The following TBC1D31 variants were observed in gnomAD, a reference collection of about 807,000 sequenced individuals.
TBC1D31 encodes the protein TBC1 domain family member 31.
TBC1D31 carries 99 observed loss-of-function variants against 132.9 expected under a neutral mutation model. That is an observed-to-expected ratio of 0.74 (90% confidence interval 0.63 to 0.88). TBC1D31 has a LOEUF of 0.88. Ranked by LOEUF, TBC1D31 falls within the 40% of genes least tolerant of loss-of-function variation. TBC1D31 has a pLI of 0.00. For missense variants in TBC1D31, 1,134 were observed against 1,256.6 expected (o/e 0.90, Z 1.48); for synonymous variants, 385 against 419.4 (o/e 0.92, Z 1.00).
chr8:123,147,671 GAA>G (rs1822353869), intron 20 of TBC1D31, among the ~76,000 whole-genome samples: 1 of 152,038 alleles, frequency 6.6e-6, no homozygotes. Context: ...TAACCTTGCT[GAA>G]TTTCACCAAT....
At chr8:123,106,177 T>A (rs1270456349) in intron 8 of TBC1D31, among the ~76,000 whole-genome samples, 2 of 152,234 alleles carry the variant, frequency 1.3e-5, no homozygotes, top group Non-Finnish European at 2.9e-5. Flanking sequence ...TAATCAGCTG[T>A]GGTCCAAATA....
intron 11 of TBC1D31, among the ~76,000 whole-genome samples, chr8:123,121,255 G>A (rs956038910): frequency 2.6e-5 from 4 of 152,246 alleles, no homozygotes; most frequent in South Asian, 2.1e-4. Flanking sequence ...CCTGGCACCC[G>A]ACATTTTATC....
intron 11 of TBC1D31, among the ~76,000 whole-genome samples, chr8:123,121,228 G>C (rs1172480089): frequency 1.3e-5 from 2 of 152,134 alleles, no homozygotes; most frequent in Non-Finnish European, 2.9e-5. Context: ...AAAGTGCTGG[G>C]ATTACAGACG....
At chr8:123,161,501 C>T in the TBC1D31 span, among the ~76,000 whole-genome samples, 2 of 152,214 alleles carry the variant, frequency 1.3e-5, no homozygotes, top group African/African-American at 4.8e-5. Context: ...GGCGACCTGA[C>T]CAAGTTCAAA....
chr8:123,075,213 T>C (rs1814375740), intron 1 of TBC1D31, among the ~76,000 whole-genome samples: 1 of 152,208 alleles, frequency 6.6e-6, no homozygotes, highest in African/African-American at 2.4e-5. Flanking sequence ...TGCTTGTCAT[T>C]TCTGTATGTT....
At chr8:123,132,403 CTTTTT>C (rs34901750) in intron 16 of TBC1D31, among the ~76,000 whole-genome samples, 2 of 55,442 alleles carry the variant, frequency 3.6e-5, no homozygotes, top group Non-Finnish European at 7.1e-5. Flanking sequence ...TTTTTTAAGT[CTTTTT>C]TTTTTTTTTT....
intron 2 of TBC1D31, 139 bp downstream of exon 2, chr8:123,077,396 T>C (rs1438170569): frequency 2.4e-6 from 2 of 816,506 alleles, no homozygotes; most frequent in Admixed American, 3.5e-5. Flanking sequence ...AATACTGTCA[T>C]AAGTGCTAAA....
At chr8:123,152,765 G>A (rs951796813), downstream of TBC1D31, among the ~76,000 whole-genome samples, 1 of 152,096 alleles carries the variant, frequency 6.6e-6, no homozygotes, top group Non-Finnish European at 1.5e-5. Context: ...CAGCTACTTG[G>A]AAGGCAGGGG....
At chr8:123,138,393 A>T (rs1821305096) in intron 17 of TBC1D31, among the ~76,000 whole-genome samples, 1 of 151,930 alleles carries the variant, frequency 6.6e-6, no homozygotes, top group Non-Finnish European at 1.5e-5. Context: ...GCAAATTATA[A>T]GGTAATTATG....
At chr8:123,100,501 AG>A (rs1817289974) in intron 6 of TBC1D31, among the ~76,000 whole-genome samples, 1 of 151,920 alleles carries the variant, frequency 6.6e-6, no homozygotes, top group South Asian at 2.1e-4. Flanking sequence ...GCTTGAACCC[AG>A]GGGGCGGAGG....
intron 5 of TBC1D31, among the ~76,000 whole-genome samples, chr8:123,096,287 C>A (rs1169851061): frequency 2.0e-5 from 3 of 152,084 alleles, no homozygotes; most frequent in Non-Finnish European, 2.9e-5. Flanking sequence ...CTTCCTTAGT[C>A]TGCTCTAGCC....
chr8:123,128,201 T>C, intron 13 of TBC1D31, 80 bp from the exon 14 acceptor site: 1 of 728,098 alleles, frequency 1.4e-6, no homozygotes, highest in South Asian at 2.0e-5. Context: ...AGATACACTT[T>C]TTTTAAATTC....
chr8:123,073,197 C>T, intron 1 of TBC1D31: 1 of 474,442 alleles, frequency 2.1e-6, no homozygotes, highest in Middle Eastern at 3.5e-4. Flanking sequence ...GAGTATTTAA[C>T]AGTTGCAGCT....
intron 11 of TBC1D31, among the ~76,000 whole-genome samples, chr8:123,121,561 T>C (rs534188455): frequency 6.6e-6 from 1 of 152,132 alleles, no homozygotes; most frequent in South Asian, 2.1e-4. Flanking sequence ...TCACACGAGA[T>C]CTAGTTGTTT....
intron 9 of TBC1D31, 34 bp from the exon 10 acceptor site, chr8:123,109,440 A>T (rs749945059): frequency 6.2e-7 from 1 of 1,609,698 alleles, no homozygotes; most frequent in East Asian, 2.2e-5. Context: ...TACTCAAAAA[A>T]AATTGGGGGG....
At chr8:123,101,607 G>T (rs1209850984) in intron 7 of TBC1D31, among the ~76,000 whole-genome samples, 1 of 152,102 alleles carries the variant, frequency 6.6e-6, no homozygotes, top group Non-Finnish European at 1.5e-5. Flanking sequence ...TAAAGATGGG[G>T]TTTCACAATG....
chr8:123,075,061 T>A (rs1341783105), intron 1 of TBC1D31: 3 of 152,250 alleles, frequency 2.0e-5, no homozygotes, highest in Non-Finnish European at 4.4e-5. Context: ...TATTTGTTTC[T>A]TAGTGTATTT....
chr8:123,124,962 A>C (rs892896726), intron 11 of TBC1D31, among the ~76,000 whole-genome samples: 1 of 150,996 alleles, frequency 6.6e-6, no homozygotes, highest in Non-Finnish European at 1.5e-5. Flanking sequence ...AAAAATTAAG[A>C]GCTACAGAGA....
intron 2 of TBC1D31, among the ~76,000 whole-genome samples, chr8:123,078,237 T>C (rs1410618556): frequency 6.6e-6 from 1 of 152,092 alleles, no homozygotes; most frequent in Non-Finnish European, 1.5e-5. Context: ...GGGGCAGTGA[T>C]GGGAAGCTAG....
Sources: allele counts gnomAD v4.1 joint callset (sites outside exome capture counted in the v4.1 genomes callset), GRCh38; gene constraint gnomAD v4.1.1; transcripts MANE v1.5; gene names NCBI Gene and HGNC (gene_info 2026-07-23, HGNC 2026-07-21).